Variants in MAPK10 observed in about 807,000 individuals in gnomAD.
MAPK10 encodes JNK3 alpha protein kinase.
MAPK10 carries 25 observed loss-of-function variants against 59.3 expected under a neutral mutation model. The observed-to-expected ratio is 0.42, with a 90% CI of 0.31 to 0.59. The LOEUF is 0.59. Ranked by LOEUF, MAPK10 falls within the 20% of genes least tolerant of loss-of-function variation. The pLI is 0.15. For synonymous variants in MAPK10, 190 were observed against 200.5 expected, an observed-to-expected ratio of 0.95 and a Z score of 0.44; for missense variants, 351 against 568.9, an observed-to-expected ratio of 0.62 and a Z score of 3.90.
At chr4:86,342,185 G>A (rs886990071) in intron 2 of MAPK10, among the ~76,000 whole-genome samples, 20 of 152,134 alleles carry the variant, frequency 1.3e-4, no homozygotes, top group Non-Finnish European at 2.9e-5. Context: ...CCCTGATAGC[G>A]ATGGAATACG....
chr4:86,068,441 TTC>T (rs1561247415), intron 9 of MAPK10, among the ~76,000 whole-genome samples: 1 of 152,164 alleles, frequency 6.6e-6, no homozygotes, highest in Non-Finnish European at 1.5e-5. Context: ...ATATTTTTTC[TTC>T]TCTAAAAATC....
intron 1 of MAPK10, among the ~76,000 whole-genome samples, chr4:86,408,797 A>G (rs1277899564): frequency 2.6e-5 from 4 of 152,084 alleles, no homozygotes; most frequent in Admixed American, 6.6e-5. Context: ...GATTCTGGAT[A>G]TTAGTCCTTT....
At chr4:86,298,523 A>G (rs1194690857) in intron 2 of MAPK10, among the ~76,000 whole-genome samples, 1 of 152,202 alleles carries the variant, frequency 6.6e-6, no homozygotes, top group East Asian at 1.9e-4. Flanking sequence ...CACTCTTTGC[A>G]GACAATGCCA....
At chr4:86,257,622 C>G (rs1301618292) in intron 2 of MAPK10, among the ~76,000 whole-genome samples, 1 of 152,130 alleles carries the variant, frequency 6.6e-6, no homozygotes, top group East Asian at 1.9e-4. Flanking sequence ...ATAATCTTGC[C>G]TCACACTCTT....
intron 3 of MAPK10, among the ~76,000 whole-genome samples, chr4:86,164,923 T>G (rs2149243286): frequency 6.6e-6 from 1 of 152,304 alleles, no homozygotes; most frequent in African/African-American, 2.4e-5. Flanking sequence ...CAATCTTGTG[T>G]GGTGATAGAA....
At chr4:86,150,350 G>A (rs1049326172) in intron 4 of MAPK10, among the ~76,000 whole-genome samples, 10 of 152,244 alleles carry the variant, frequency 6.6e-5, no homozygotes, top group African/African-American at 2.2e-4. Flanking sequence ...TAGGTAACAT[G>A]TACACCACTT....
At chr4:86,170,955 A>G (rs1436686442) in intron 3 of MAPK10, 6 of 151,982 alleles carry the variant, frequency 3.9e-5, no homozygotes, top group Non-Finnish European at 8.8e-5. Context: ...GAAACTGAAC[A>G]ACCTGCTCCT....
intron 1 of MAPK10, among the ~76,000 whole-genome samples, chr4:86,518,378 C>G (rs951266355): frequency 7.9e-5 from 12 of 152,166 alleles, no homozygotes; most frequent in Admixed American, 2.6e-4. Flanking sequence ...TCCATTTCCT[C>G]TAGGTTTTCC....
At chr4:86,454,071 A>G (rs563476476), upstream of MAPK10, among the ~76,000 whole-genome samples, 5 of 152,318 alleles carry the variant, frequency 3.3e-5, no homozygotes, top group South Asian at 1.0e-3. Flanking sequence ...GAGGGACAGT[A>G]CTACATCAAG....
At chr4:86,257,253 T>C (rs547729732) in intron 2 of MAPK10, among the ~76,000 whole-genome samples, 2 of 152,298 alleles carry the variant, frequency 1.3e-5, no homozygotes, top group South Asian at 4.1e-4. Flanking sequence ...ACAGAATAGT[T>C]GAAAGAAGCA....
chr4:86,098,483 G>A (rs1302257906), intron 9 of MAPK10, 41 bp downstream of exon 9: 6 of 1,610,162 alleles, frequency 3.7e-6, no homozygotes, highest in Non-Finnish European at 5.1e-6. Context: ...AAGGGAGAGA[G>A]AACAAAACAG....
At chr4:86,225,662 G>C (rs577252444) in intron 2 of MAPK10, among the ~76,000 whole-genome samples, 1 of 152,042 alleles carries the variant, frequency 6.6e-6, no homozygotes. Context: ...ATATTTTATC[G>C]GTAACATAAC....
intron 2 of MAPK10, among the ~76,000 whole-genome samples, chr4:86,198,781 A>G (rs2081976699): frequency 6.6e-6 from 1 of 151,728 alleles, no homozygotes; most frequent in Admixed American, 6.6e-5. Context: ...TAGTATAAAA[A>G]GTAGTCCACA....
chr4:86,443,085 A>C (rs2149048897), intron 1 of MAPK10, among the ~76,000 whole-genome samples: 1 of 152,306 alleles, frequency 6.6e-6, no homozygotes, highest in South Asian at 2.1e-4. Flanking sequence ...CCCAGCAGGA[A>C]AACCTAAATT....
Position 86,117,368 on chromosome 4 carries a change from T to C in MAPK10, c.237-10016A>G, listed in dbSNP as rs541969734. ...TTAACAAACCCCCTATTCCCAGTGA[T>C]CACTACACCCTGTCTTAATGGTTCA... On this transcript the variant is annotated intron_variant, in intron 4 of 13. Transcript: ENST00000641462. 2.0e-5 allele frequency among the ~76,000 whole-genome samples: 3 copies of C among 152,306 alleles called. No homozygotes were observed. In the East Asian group the frequency reaches 5.8e-4, roughly 29 times the overall value.
At chr4:86,040,684 CA>C (rs1429137555) in intron 11 of MAPK10, among the ~76,000 whole-genome samples, 1 of 151,742 alleles carries the variant, frequency 6.6e-6, no homozygotes, top group Non-Finnish European at 1.5e-5. Context: ...ATAATGAAAT[CA>C]ACAAAAATCA....
chr4:86,501,794 G>A (rs1755354896), intron 1 of MAPK10, among the ~76,000 whole-genome samples: 1 of 151,928 alleles, frequency 6.6e-6, no homozygotes, highest in Admixed American at 6.6e-5. Context: ...ATGAAGTGAT[G>A]ACTATCCTTC....
chr4:86,104,401 A>G (rs979338840), intron 5 of MAPK10, among the ~76,000 whole-genome samples: 2 of 152,132 alleles, frequency 1.3e-5, no homozygotes, highest in African/African-American at 4.8e-5. Context: ...TTGTTTTAAA[A>G]TTATCTTTAT....
intron 1 of MAPK10, among the ~76,000 whole-genome samples, chr4:86,577,705 C>G (rs1186621517): frequency 6.6e-6 from 1 of 152,008 alleles, no homozygotes; most frequent in Non-Finnish European, 1.5e-5. Flanking sequence ...TAATATAATC[C>G]AAATACTCTA....
Sources: gnomAD v4.1 joint callset for allele counts (sites outside exome capture counted in the v4.1 genomes callset) on GRCh38, gnomAD v4.1.1 for gene constraint, MANE v1.5 for transcripts, NCBI Gene and HGNC (gene_info 2026-07-23, HGNC 2026-07-21) for gene names.